PEX13: variants seen among roughly 807,000 people sequenced by gnomAD.
PEX13 encodes the protein peroxisome biogenesis factor 13.
In PEX13, 28 loss-of-function variants were observed where a neutral mutation model predicts 34.5. The ratio of observed to expected loss-of-function variants is 0.81; its 90% CI spans 0.60 to 1.11. The LOEUF (loss-of-function observed/expected upper bound fraction) is 1.11, where lower values mean the gene tolerates loss of function less well. Ranked by LOEUF, PEX13 falls within the 50% of genes most tolerant of loss-of-function variation. The pLI, the probability that PEX13 is intolerant of heterozygous loss-of-function variation, is 0.00. For missense variants in PEX13, 550 were observed against 491.0 expected, an observed-to-expected ratio of 1.12 and a Z score of -1.13; for synonymous variants, 177 against 175.1, an observed-to-expected ratio of 1.01 and a Z score of -0.09.
intron 1 of PEX13, among the ~76,000 whole-genome samples, chr2:61,024,819 C>G (rs984263295): frequency 1.3e-5 from 2 of 151,454 alleles, no homozygotes; most frequent in African/African-American, 4.8e-5. Context: ...AGAACAAAAA[C>G]AAAAACAAAA....
intron 2 of PEX13, among the ~76,000 whole-genome samples, chr2:61,044,636 T>C (rs895655499): frequency 5.3e-5 from 8 of 152,202 alleles, no homozygotes; most frequent in Admixed American, 2.6e-4. Context: ...TCCACCCGCC[T>C]CGGCCTCCCA....
chr2:61,040,844 A>G (rs1235665810), intron 2 of PEX13, among the ~76,000 whole-genome samples: 2 of 148,160 alleles, frequency 1.3e-5, no homozygotes, highest in Non-Finnish European at 3.0e-5. Context: ...TATATATAAA[A>G]AAGTATATAT....
intron 1 of PEX13, among the ~76,000 whole-genome samples, chr2:61,025,427 C>T (rs1349861405): frequency 1.3e-5 from 2 of 152,032 alleles, no homozygotes; most frequent in African/African-American, 2.4e-5. Flanking sequence ...GGTACAATCT[C>T]GGCTCACTAC....
chr2:61,037,245 G>A (rs530285652), intron 2 of PEX13, among the ~76,000 whole-genome samples: 1 of 152,188 alleles, frequency 6.6e-6, no homozygotes, highest in Non-Finnish European at 1.5e-5. Context: ...TCCAGGACTT[G>A]AACTCACCTC....
At chr2:61,046,731 G>A (rs909116409) in intron 3 of PEX13, among the ~76,000 whole-genome samples, 41 of 152,138 alleles carry the variant, frequency 2.7e-4, no homozygotes, top group African/African-American at 9.4e-4. Flanking sequence ...ATCTAGGTTT[G>A]TCTAACTTGA....
At chr2:61,018,162 A>AT in intron 1 of PEX13, 1 of 1,550,670 alleles carries the variant, frequency 6.4e-7, no homozygotes. Context: ...ACTTTGACAG[A>AT]ATGGCTTCTC....
chr2:61,029,476 A>G (rs1432082136), intron 1 of PEX13, among the ~76,000 whole-genome samples: 2 of 152,306 alleles, frequency 1.3e-5, no homozygotes, highest in South Asian at 2.1e-4. Context: ...CCCAGCAAAC[A>G]TGTCCGTACA....
chr2:61,019,379 C>G (rs1406887129), intron 1 of PEX13, among the ~76,000 whole-genome samples: 1 of 151,760 alleles, frequency 6.6e-6, no homozygotes, highest in Non-Finnish European at 1.5e-5. Context: ...CACTGTGTGG[C>G]TTCTCCTCTT....
At chr2:61,021,314 C>A (rs1680257224) in intron 1 of PEX13, among the ~76,000 whole-genome samples, 1 of 152,120 alleles carries the variant, frequency 6.6e-6, no homozygotes, top group Admixed American at 6.5e-5. Flanking sequence ...ACACTTCTGC[C>A]CAAATAGTGG....
intron 2 of PEX13, among the ~76,000 whole-genome samples, chr2:61,044,772 C>G (rs1680680093): frequency 6.6e-6 from 1 of 152,312 alleles, no homozygotes; most frequent in South Asian, 2.1e-4. Flanking sequence ...TTTGACAACA[C>G]CTAATACAGT....
rs1407100450 is a variant in PEX13, at chr2:61,051,111, G to A, written c.*2341G>A. ...TTTATAATAGAAATCTTGACCCAGT[G>A]CAGAAAAATAAATATAGTAAAATTT... On this transcript the variant is annotated 3_prime_UTR_variant, in exon 4 of 4. Coordinates refer to ENST00000295030, the MANE Select transcript of PEX13 (RefSeq NM_002618.4). 6.6e-6 allele frequency: 1 copy of A among 152,202 alleles called. No homozygotes were observed. The highest frequency in any genetic ancestry group is 1.5e-5 in the Non-Finnish European group (1 of 68,018). 9.4% of individuals were successfully genotyped at this position (152,202 alleles called of 1,614,324 possible). A position where few individuals can be genotyped will look rare whatever the true frequency, so the allele number is the denominator to read the frequency against.
chr2:61,030,830 A>G (rs924325449), intron 1 of PEX13, among the ~76,000 whole-genome samples: 1 of 152,130 alleles, frequency 6.6e-6, no homozygotes, highest in Non-Finnish European at 1.5e-5. Flanking sequence ...GAGGGACAGA[A>G]GGTAGATTCA....
At position 61,051,820 on chromosome 2, in the gene PEX13, C is replaced by T. The variant is rs1246216348; in HGVS notation, c.*3050C>T. The T allele has an allele frequency of 2.6e-5, 4 of 152,218 alleles. No homozygotes were observed. In the East Asian group the frequency reaches 5.6e-4, roughly 21 times the overall value. 9.4% of individuals were successfully genotyped at this position (152,218 alleles called of 1,614,324 possible). A position where few individuals can be genotyped will look rare whatever the true frequency, so the allele number is the denominator to read the frequency against. On this transcript the variant is annotated 3_prime_UTR_variant, in exon 4 of 4. Transcript: ENST00000295030. ...TTTTCATGTTTTAACATTTTATGTA[C>T]GTACTTGATTCTGTCTGTGTCATAA...
intron 2 of PEX13, among the ~76,000 whole-genome samples, chr2:61,037,664 G>A (rs1354432113): frequency 6.6e-6 from 1 of 152,184 alleles, no homozygotes; most frequent in Non-Finnish European, 1.5e-5. Flanking sequence ...AAGCAGGAAA[G>A]ATCTAAAATC....
intron 2 of PEX13, among the ~76,000 whole-genome samples, chr2:61,040,742 A>AATATATATATAGGTAT (rs1680609994): frequency 6.7e-6 from 1 of 148,406 alleles, no homozygotes; most frequent in Non-Finnish European, 1.5e-5. Context: ...ATTAAATGTA[A>AATATATATATAGGTAT]ATATATATAT....
At chr2:61,046,291 G>A (rs1047643454) in intron 3 of PEX13, among the ~76,000 whole-genome samples, 7 of 152,118 alleles carry the variant, frequency 4.6e-5, no homozygotes, top group Non-Finnish European at 8.8e-5. Flanking sequence ...AGTATTTTAG[G>A]AAATAGTGTC....
chr2:61,033,571 A>G (rs1180829568), intron 2 of PEX13, among the ~76,000 whole-genome samples: 1 of 152,232 alleles, frequency 6.6e-6, no homozygotes, highest in Admixed American at 6.5e-5. Context: ...ACAGTAAATA[A>G]ATAAGTAAAA....
intron 2 of PEX13, among the ~76,000 whole-genome samples, chr2:61,034,496 G>A (rs917681003): frequency 1.3e-5 from 2 of 152,194 alleles, no homozygotes; most frequent in Non-Finnish European, 2.9e-5. Flanking sequence ...GCTGAAGCAG[G>A]GCAGGGCATC....
At chr2:61,025,639 GTGAGCCACCA>G (rs1166281046) in intron 1 of PEX13, among the ~76,000 whole-genome samples, 1 of 152,076 alleles carries the variant, frequency 6.6e-6, no homozygotes, top group Non-Finnish European at 1.5e-5. Context: ...GATTATAGGA[GTGAGCCACCA>G]TGCCCAGCCA....
Sources: gnomAD v4.1 joint callset for allele counts (sites outside exome capture counted in the v4.1 genomes callset) on GRCh38, gnomAD v4.1.1 for gene constraint, MANE v1.5 for transcripts, NCBI Gene and HGNC (gene_info 2026-07-23, HGNC 2026-07-21) for gene names.